The following THNSL1 variants were observed in gnomAD, a reference collection of about 807,000 sequenced individuals.
The protein encoded by THNSL1 is threonine synthase-like 1.
In THNSL1, 48 loss-of-function variants were observed where a neutral mutation model predicts 50.4. The ratio of observed to expected loss-of-function variants is 0.95; its 90% confidence interval spans 0.76 to 1.21. The LOEUF is 1.21. THNSL1 is among the 50% of genes most tolerant of loss of function. The probability of loss-of-function intolerance (pLI) is 0.00; values close to 1 mark genes in which losing one functional copy is unlikely to be tolerated. For synonymous variants in THNSL1, 309 were observed against 306.1 expected (o/e 1.01, Z -0.10); for missense variants, 896 against 871.7 (o/e 1.03, Z -0.35).
chr10:24,996,506 T>G, the THNSL1 span, among the ~76,000 whole-genome samples: 1 of 152,116 alleles, frequency 6.6e-6, no homozygotes, highest in Non-Finnish European at 1.5e-5. Context: ...AAGTATTTCT[T>G]GCTTATTGGC....
upstream of THNSL1, chr10:25,016,196 G>T: frequency 8.5e-7 from 1 of 1,173,282 alleles, no homozygotes; most frequent in Non-Finnish European, 1.1e-6. Flanking sequence ...CAACGAGGAA[G>T]TGGCAGGCAG....
the THNSL1 span, among the ~76,000 whole-genome samples, chr10:24,963,310 T>C: frequency 1.3e-5 from 2 of 152,240 alleles, no homozygotes; most frequent in Admixed American, 1.3e-4. Flanking sequence ...TTGTATTCTG[T>C]TTTTCTGTGT....
the THNSL1 span, among the ~76,000 whole-genome samples, chr10:24,993,008 G>T: frequency 7.2e-5 from 11 of 152,268 alleles, no homozygotes; most frequent in African/African-American, 2.6e-4. Flanking sequence ...TTAAGAAAGA[G>T]AATGACTGGG....
chr10:25,013,377 T>C (rs1034838933), upstream of THNSL1, among the ~76,000 whole-genome samples: 6 of 151,974 alleles, frequency 3.9e-5, no homozygotes, highest in African/African-American at 1.5e-4. Context: ...GATTAATGAG[T>C]TGAGATAAAA....
At chr10:24,990,929 G>A in the THNSL1 span, among the ~76,000 whole-genome samples, 9 of 152,196 alleles carry the variant, frequency 5.9e-5, no homozygotes, top group South Asian at 4.2e-4. Context: ...GTGAAACCCC[G>A]TCTCTACTAA....
chr10:25,001,289 CT>C, the THNSL1 span, among the ~76,000 whole-genome samples: 135 of 151,180 alleles, frequency 8.9e-4, 1 homozygote, highest in East Asian at 0.017. Context: ...TATAATTTTT[CT>C]TTTTTTTCCT....
At chr10:24,962,170 C>T in the THNSL1 span, among the ~76,000 whole-genome samples, 1 of 152,278 alleles carries the variant, frequency 6.6e-6, no homozygotes, top group South Asian at 2.1e-4. Flanking sequence ...CTAACACGCT[C>T]CCATGAAATT....
the THNSL1 span, among the ~76,000 whole-genome samples, chr10:24,989,421 C>T: frequency 1.3e-5 from 2 of 152,200 alleles, no homozygotes; most frequent in Non-Finnish European, 2.9e-5. Context: ...CATGCCGTCA[C>T]TCTACATTTT....
intron 2 of THNSL1, among the ~76,000 whole-genome samples, chr10:25,022,952 T>C (rs1225310993): frequency 6.6e-6 from 1 of 152,224 alleles, no homozygotes; most frequent in Non-Finnish European, 1.5e-5. Flanking sequence ...TTTTGATTTT[T>C]CAGTGTCTTG....
the THNSL1 span, among the ~76,000 whole-genome samples, chr10:24,991,655 C>T: frequency 6.6e-6 from 1 of 152,216 alleles, no homozygotes; most frequent in African/African-American, 2.4e-5. Flanking sequence ...GCTCTCCCAT[C>T]TGCTGAAGCT....
At chr10:25,017,097 G>A (rs1052103918) in intron 1 of THNSL1, among the ~76,000 whole-genome samples, 3 of 152,204 alleles carry the variant, frequency 2.0e-5, no homozygotes, top group Admixed American at 2.0e-4. Context: ...CCCGGGTCGG[G>A]ACTCTTCCTC....
At position 25,025,188 on chromosome 10, in the gene THNSL1, C is replaced by G; in HGVS notation, c.1965C>G (p.Asp655Glu). Residue 655 changes from aspartate (D) to glutamate (E), a missense_variant, in exon 3 of 3, where the codon GAC (aspartate) becomes GAG (glutamate). By Grantham distance (45) the Asp-to-Glu change is conservative. Transcript: ENST00000376356. ...VAKVVADRVQ[D>E]KTCPVIISST... ...AAGTGGTTGCAGATAGGGTGCAAGA[C>G]AAAACTTGCCCTGTGATTATCTCAT... is the stretch of plus-strand genomic sequence containing the variant. 6.2e-7 allele frequency: 1 copy of G among 1,614,172 alleles called. No homozygotes were observed. Among genetic ancestry groups the G allele is most frequent in the Non-Finnish European group, 8.5e-7 (1 of 1,180,038 alleles).
chr10:24,983,087 AAC>A, the THNSL1 span: 1 of 152,234 alleles, frequency 6.6e-6, no homozygotes, highest in Non-Finnish European at 1.5e-5. Context: ...TGCCTGGATC[AAC>A]AGAGTCACCA....
the THNSL1 span, among the ~76,000 whole-genome samples, chr10:24,989,017 C>T: frequency 2.0e-5 from 3 of 151,838 alleles, no homozygotes; most frequent in Admixed American, 6.6e-5. Context: ...CTGTAGCGAC[C>T]GTAATGGGAA....
the THNSL1 span, among the ~76,000 whole-genome samples, chr10:24,996,456 G>GTGTATA: frequency 2.7e-4 from 41 of 149,806 alleles, no homozygotes; most frequent in Admixed American, 1.6e-3. Context: ...GTGTGTGTGT[G>GTGTATA]TATATATATA....
chr10:24,998,377 CTCTCTT>C, the THNSL1 span, among the ~76,000 whole-genome samples: 3,819 of 135,298 alleles, frequency 0.028, 116 homozygotes, highest in African/African-American at 0.075. Flanking sequence ...CTCTCTCTCT[CTCTCTT>C]TCTTTTTTTG....
chr10:25,015,968 C>G (rs982939281), upstream of THNSL1: 2 of 1,590,492 alleles, frequency 1.3e-6, no homozygotes, highest in Non-Finnish European at 1.7e-6. Context: ...AAGCTACTCT[C>G]CACAACTTTT....
At chr10:24,985,922 G>A in the THNSL1 span, among the ~76,000 whole-genome samples, 4 of 152,110 alleles carry the variant, frequency 2.6e-5, no homozygotes, top group South Asian at 2.1e-4. Flanking sequence ...ACAAAAAATA[G>A]CCAGGTGTGG....
At chr10:25,017,023 C>T (rs542358328) in intron 1 of THNSL1, among the ~76,000 whole-genome samples, 1 of 152,282 alleles carries the variant, frequency 6.6e-6, no homozygotes, top group Non-Finnish European at 1.5e-5. Flanking sequence ...CGCTCGCCCT[C>T]CCGCCCCTGC....
Sources: allele counts gnomAD v4.1 joint callset (sites outside exome capture counted in the v4.1 genomes callset), GRCh38; gene constraint gnomAD v4.1.1; transcripts MANE v1.5; gene names NCBI Gene and HGNC (gene_info 2026-07-23, HGNC 2026-07-21).